Variants in SH3GL3 observed in about 807,000 individuals in gnomAD.
SH3GL3 encodes endophilin-A3.
In SH3GL3, 33 loss-of-function variants were observed where a neutral mutation model predicts 47.7. That is an observed-to-expected ratio of 0.69 (90% CI 0.52 to 0.92). The LOEUF is 0.92. Among genes scored for constraint, SH3GL3 ranks in the 40% least tolerant of loss-of-function variants. The probability of loss-of-function intolerance (pLI) is 0.00; values close to 1 mark genes in which losing one functional copy is unlikely to be tolerated. For missense variants in SH3GL3, 363 were observed against 417.8 expected (o/e 0.87, Z 1.14); for synonymous variants, 155 against 148.8 (o/e 1.04, Z -0.30).
chr15:83,520,786 T>C (rs929012391), intron 1 of SH3GL3, among the ~76,000 whole-genome samples: 4 of 152,162 alleles, frequency 2.6e-5, no homozygotes, highest in Admixed American at 2.6e-4. Context: ...AGATGGTAGA[T>C]TTTAGATGCT....
At chr15:83,488,571 C>T (rs1313455241) in intron 1 of SH3GL3, among the ~76,000 whole-genome samples, 2 of 152,216 alleles carry the variant, frequency 1.3e-5, no homozygotes, top group African/African-American at 4.8e-5. Context: ...CCTCGACACA[C>T]TTTACTTTCA....
At chr15:83,537,583 G>T (rs1452494898) in intron 1 of SH3GL3, among the ~76,000 whole-genome samples, 2 of 152,018 alleles carry the variant, frequency 1.3e-5, no homozygotes, top group Admixed American at 1.3e-4. Context: ...GGGGATGGGG[G>T]TGGAGGGGCT....
chr15:83,598,513 A>G (rs964047105), intron 8 of SH3GL3, among the ~76,000 whole-genome samples: 1 of 152,212 alleles, frequency 6.6e-6, no homozygotes, highest in Non-Finnish European at 1.5e-5. Context: ...GGGATTTGGT[A>G]CATGAAAGGA....
chr15:83,469,082 G>T (rs949331022), intron 1 of SH3GL3, among the ~76,000 whole-genome samples: 1 of 151,936 alleles, frequency 6.6e-6, no homozygotes, highest in Non-Finnish European at 1.5e-5. Flanking sequence ...CAAGGAATTG[G>T]TTCATTTCAA....
intron 1 of SH3GL3, among the ~76,000 whole-genome samples, chr15:83,512,038 A>T (rs2042779856): frequency 6.6e-6 from 1 of 152,008 alleles, no homozygotes; most frequent in Admixed American, 6.6e-5. Flanking sequence ...GGAGTTTCGC[A>T]TTGACAAGGG....
At chr15:83,462,559 A>G (rs2040355970) in intron 1 of SH3GL3, among the ~76,000 whole-genome samples, 1 of 152,192 alleles carries the variant, frequency 6.6e-6, no homozygotes, top group Non-Finnish European at 1.5e-5. Context: ...CAGTTTCTCC[A>G]TGGTCTTTTG....
At chr15:83,607,839 CAAATAATAA>C (rs2060560504) in intron 8 of SH3GL3, among the ~76,000 whole-genome samples, 4 of 68,410 alleles carry the variant, frequency 5.8e-5, no homozygotes. Context: ...CTCAGAGTGG[CAAATAATAA>C]TAATAATAAT....
At position 83,576,822 on chromosome 15, in the gene SH3GL3, A is replaced by G. The variant is rs998583558; in HGVS notation, c.624+81A>G. 2.0e-5 allele frequency: 21 copies of G among 1,034,170 alleles called. No individual in the cohort carries two copies. In the East Asian group the frequency reaches 4.4e-4, roughly 21 times the overall value. The allele number at this position is 1,034,170 out of a possible 1,614,324, so 64.1% of individuals were successfully genotyped here. ...TATGACTATGATCGGCATGTTGAAA[A>G]ACTCTAAAGCAGGAGTGTCCAATCT... is the stretch of plus-strand genomic sequence containing the variant. On this transcript the variant is annotated intron_variant, in intron 6 of 8. Transcript: ENST00000427482.
intron 1 of SH3GL3, among the ~76,000 whole-genome samples, chr15:83,513,180 G>A (rs924647169): frequency 6.6e-6 from 1 of 152,218 alleles, no homozygotes; most frequent in African/African-American, 2.4e-5. Context: ...GCTGAGAGGC[G>A]TGGGATTGGA....
intron 5 of SH3GL3, among the ~76,000 whole-genome samples, chr15:83,573,775 C>G (rs976384350): frequency 6.6e-6 from 1 of 152,200 alleles, no homozygotes; most frequent in Non-Finnish European, 1.5e-5. Flanking sequence ...ATTTATTCAT[C>G]CATCAACTGT....
At chr15:83,626,419 G>A in the SH3GL3 span, among the ~76,000 whole-genome samples, 1 of 152,174 alleles carries the variant, frequency 6.6e-6, no homozygotes, top group African/African-American at 2.4e-5. Flanking sequence ...TGCTCTGTGG[G>A]TCAAGCCAGG....
At chr15:83,465,171 A>G (rs2040513800) in intron 1 of SH3GL3, among the ~76,000 whole-genome samples, 1 of 151,690 alleles carries the variant, frequency 6.6e-6, no homozygotes, top group African/African-American at 2.4e-5. Flanking sequence ...TTAGCTGGGC[A>G]TGGTGGTGTG....
At chr15:83,459,006 A>G (rs1170841078) in intron 1 of SH3GL3, among the ~76,000 whole-genome samples, 2 of 152,222 alleles carry the variant, frequency 1.3e-5, no homozygotes, top group Admixed American at 6.5e-5. Context: ...AAAAGTAGGG[A>G]AGCTGACAGT....
intron 1 of SH3GL3, among the ~76,000 whole-genome samples, chr15:83,550,784 C>CTGTTTT (rs2044622698): frequency 6.6e-6 from 1 of 152,114 alleles, no homozygotes; most frequent in African/African-American, 2.4e-5. Context: ...TAGTCAAGAG[C>CTGTTTT]TGTTTTTGTT....
intron 1 of SH3GL3, among the ~76,000 whole-genome samples, chr15:83,533,557 C>T (rs766897739): frequency 6.6e-6 from 1 of 152,188 alleles, no homozygotes; most frequent in Non-Finnish European, 1.5e-5. Context: ...TCTGTTCAGT[C>T]ATTAGCATTT....
chr15:83,603,010 T>C (rs569059370), intron 8 of SH3GL3, among the ~76,000 whole-genome samples: 1 of 148,514 alleles, frequency 6.7e-6, no homozygotes, highest in Admixed American at 6.7e-5. Flanking sequence ...CTTGATTTCC[T>C]TTTTTTTTTG....
chr15:83,627,510 C>T, the SH3GL3 span, among the ~76,000 whole-genome samples: 1 of 152,054 alleles, frequency 6.6e-6, no homozygotes. Flanking sequence ...ATTCAAGGAT[C>T]TAAAGTAGAG....
At chr15:83,588,031 G>A (rs2059998541) in intron 7 of SH3GL3, among the ~76,000 whole-genome samples, 1 of 152,190 alleles carries the variant, frequency 6.6e-6, no homozygotes, top group Admixed American at 6.5e-5. Context: ...GAGGGAGAAG[G>A]CAGCTCCCAT....
At position 83,456,927 on chromosome 15, in the gene SH3GL3, A is replaced by G. The variant is rs1215869566; in HGVS notation, c.45+9349A>G. Among the ~76,000 whole-genome samples, 3 of 152,226 alleles carry G rather than the reference A, an allele frequency of 2.0e-5. No homozygotes were observed. In the East Asian group the frequency reaches 5.8e-4, roughly 29 times the overall value. ...CTGTTTACTCTTCTGGTAGAGATGT[A>G]GCTTGAGCTATTATAAATAAATACA... On this transcript the variant is annotated intron_variant, in intron 1 of 8. Transcript: ENST00000427482.
Sources: gnomAD v4.1 joint callset for allele counts (sites outside exome capture counted in the v4.1 genomes callset) on GRCh38, gnomAD v4.1.1 for gene constraint, MANE v1.5 for transcripts, NCBI Gene and HGNC (gene_info 2026-07-23, HGNC 2026-07-21) for gene names.